Variants in PALD1 observed in about 807,000 individuals in gnomAD.
PALD1 encodes the protein paladin.
A neutral mutation model predicts 96.0 loss-of-function variants in PALD1; 57 were observed. The ratio of observed to expected loss-of-function variants is 0.59; its 90% CI spans 0.48 to 0.74. The LOEUF (loss-of-function observed/expected upper bound fraction) is 0.74. Among genes scored for constraint, PALD1 ranks in the 30% least tolerant of loss-of-function variants. PALD1 has a pLI of 0.00. For missense variants in PALD1, 1,063 were observed against 1,143.7 expected (o/e 0.93, Z 1.02); for synonymous variants, 464 against 473.6 (o/e 0.98, Z 0.26).
intron 1 of PALD1, among the ~76,000 whole-genome samples, chr10:70,479,298 C>T (rs563317065): frequency 4.8e-4 from 73 of 152,292 alleles, no homozygotes; most frequent in African/African-American, 1.7e-3. Context: ...TCCCGAGTTC[C>T]CTGGGTTTGG....
intron 1 of PALD1, among the ~76,000 whole-genome samples, chr10:70,514,508 A>G (rs2132325275): frequency 6.6e-6 from 1 of 152,152 alleles, no homozygotes; most frequent in Middle Eastern, 3.4e-3. Context: ...TTAAAGAGAA[A>G]GAGGCTGAGG....
chr10:70,529,380 A>G (rs368706561), intron 3 of PALD1, 49 bp downstream of exon 3: 80 of 835,392 alleles, frequency 9.6e-5, no homozygotes, highest in Admixed American at 9.2e-4. Context: ...TCCCACCCCT[A>G]TCTCTCATGA....
chr10:70,500,900 G>T (rs1846280660), intron 1 of PALD1, among the ~76,000 whole-genome samples: 1 of 152,182 alleles, frequency 6.6e-6, no homozygotes, highest in Non-Finnish European at 1.5e-5. Flanking sequence ...TTCCCTGCCG[G>T]GGGTCTGCCG....
chr10:70,551,745 T>C (rs558852059), intron 18 of PALD1, among the ~76,000 whole-genome samples: 1 of 152,274 alleles, frequency 6.6e-6, no homozygotes, highest in East Asian at 1.9e-4. Context: ...GGGCCCTCAG[T>C]TGGGAACAGT....
chr10:70,473,897 C>G (rs963738591), upstream of PALD1, among the ~76,000 whole-genome samples: 1 of 149,486 alleles, frequency 6.7e-6, no homozygotes, highest in Non-Finnish European at 1.5e-5. Context: ...ATCCACCCCC[C>G]CCCCCTCAGC....
chr10:70,467,412 G>T, the PALD1 span, among the ~76,000 whole-genome samples: 1 of 151,942 alleles, frequency 6.6e-6, no homozygotes. Context: ...TGGTGGAGGT[G>T]GGGGGTGGGA....
At chr10:70,503,686 A>T (rs1427040776) in intron 1 of PALD1, among the ~76,000 whole-genome samples, 1 of 152,248 alleles carries the variant, frequency 6.6e-6, no homozygotes, top group Non-Finnish European at 1.5e-5. Flanking sequence ...AAATATTTTT[A>T]TCCAGTTTGT....
intron 1 of PALD1, among the ~76,000 whole-genome samples, chr10:70,492,245 G>A (rs1846110902): frequency 6.6e-6 from 1 of 151,924 alleles, no homozygotes; most frequent in African/African-American, 2.4e-5. Context: ...ATATACAGAC[G>A]GTCCCTGACT....
chr10:70,562,078 C>T (rs1217161761), intron 18 of PALD1, among the ~76,000 whole-genome samples: 2 of 152,220 alleles, frequency 1.3e-5, no homozygotes, highest in African/African-American at 4.8e-5. Context: ...GTGGTGCACA[C>T]GTGCCTTCTC....
intron 1 of PALD1, among the ~76,000 whole-genome samples, chr10:70,520,685 CTTTTTTTTTTT>C (rs10545684): frequency 1.1e-5 from 1 of 87,684 alleles, no homozygotes; most frequent in Non-Finnish European, 2.2e-5. Context: ...TTCTTTCTTT[CTTTTTTTTTTT>C]TTTTTTTTTT....
chr10:70,539,192 G>T lies in PALD1; in HGVS notation c.1670G>T (p.Gly557Val). 6.2e-7 allele frequency: 1 copy of T among 1,613,066 alleles called. No homozygotes were observed. The highest frequency in any genetic ancestry group is 8.5e-7 in the Non-Finnish European group (1 of 1,179,624). ...GAGGAGGCCGTGTTGGAGTGTGACG[G>T]GCACACCTACAGCCTGCGGTGGCCT... ...LREEAVLECD[G>V]HTYSLRWPGP... Residue 557 changes from glycine to valine, a missense_variant, in exon 14 of 20, where the codon GGG becomes GTG. Gly to Val is a moderately radical substitution (Grantham distance 109). Coordinates refer to ENST00000263563, the MANE Select transcript of PALD1 (RefSeq NM_014431.3). The surrounding 1 kb of genome is among the most constrained non-coding windows in gnomAD (Gnocchi z 4.5).
At chr10:70,534,695 C>A in intron 9 of PALD1, 44 bp from the exon 10 acceptor site, 3 of 1,365,442 alleles carry the variant, frequency 2.2e-6, no homozygotes, top group African/African-American at 1.4e-5. Flanking sequence ...CCCTGCTCCC[C>A]ACCCCCCCAC....
chr10:70,472,043 C>T, the PALD1 span, among the ~76,000 whole-genome samples: 1 of 152,214 alleles, frequency 6.6e-6, no homozygotes, highest in East Asian at 1.9e-4. Flanking sequence ...TAAGCAACCC[C>T]TCCAAGTGCC....
At chr10:70,501,244 T>TG (rs1846287317) in intron 1 of PALD1, among the ~76,000 whole-genome samples, 1 of 152,110 alleles carries the variant, frequency 6.6e-6, no homozygotes, top group African/African-American at 2.4e-5. Flanking sequence ...GGGTGCCTCC[T>TG]GTGGTTGTTT....
At chr10:70,508,821 AGGCCTGTGGGAGCTGCGGAACCTGTG>A (rs1846452308) in intron 1 of PALD1, among the ~76,000 whole-genome samples, 7 of 30,158 alleles carry the variant, frequency 2.3e-4, no homozygotes, top group African/African-American at 1.2e-3. Context: ...GTGTGTGTGC[AGGCCTGTGGGAGCTGCGGAACCTGTG>A]TGTGTGTGTG....
At position 70,539,597 on chromosome 10, in the gene PALD1, G is replaced by A. The variant is rs753612921; in HGVS notation, c.1743G>A (p.Leu581=). 1.9e-6 allele frequency: 3 copies of A among 1,610,716 alleles called. No individual in the cohort carries two copies. The highest frequency in any genetic ancestry group is 2.5e-6 in the Non-Finnish European group (3 of 1,178,258). The change falls in exon 15 of 20, where the codon CTG becomes CTA. Residue 581 remains leucine (L), a synonymous_variant. Transcript: ENST00000263563. This position sits in a 1 kb window ranked among gnomAD's most constrained non-coding sequence, Gnocchi z 4.5. ...PDQLETLEAQ[L]KAHLSEPPPG... Reference sequence around the variant, plus strand: ...TTGCCCAGACCCTGGAGGCCCAGCTGAAGGCCCATCTAAGCGAGCCTCCCC... The same window carrying A: ...TTGCCCAGACCCTGGAGGCCCAGCTAAAGGCCCATCTAAGCGAGCCTCCCC...
At chr10:70,531,182 G>C in intron 4 of PALD1, 108 bp from the exon 5 acceptor site, 3 of 873,146 alleles carry the variant, frequency 3.4e-6, no homozygotes, top group Non-Finnish European at 5.5e-6. Flanking sequence ...ATGGTGTGGG[G>C]TGCAGGAGGA....
At chr10:70,507,750 CGTGTGTGTGTGTGTGTGT>C (rs10579511) in intron 1 of PALD1, among the ~76,000 whole-genome samples, 4,790 of 148,742 alleles carry the variant, frequency 0.032, 256 homozygotes, top group African/African-American at 0.11. Flanking sequence ...TTTGTGTGTG[CGTGTGTGTGTGTGTGTGT>C]GTGTGTGTGT....
intron 18 of PALD1, among the ~76,000 whole-genome samples, chr10:70,559,158 A>T (rs1847680002): frequency 6.6e-6 from 1 of 152,084 alleles, no homozygotes; most frequent in South Asian, 2.1e-4. Flanking sequence ...ACGGGGCGGT[A>T]TGAGGGCTTG....
Sources: allele counts gnomAD v4.1 joint callset (sites outside exome capture counted in the v4.1 genomes callset), GRCh38; gene constraint gnomAD v4.1.1; non-coding constraint Gnocchi (gnomAD v3.1); transcripts MANE v1.5; gene names NCBI Gene and HGNC (gene_info 2026-07-23, HGNC 2026-07-21).